LDB2: variants seen among roughly 807,000 people sequenced by gnomAD.
LDB2 encodes LIM domain binding 2.
Under a neutral mutation model 44.3 loss-of-function variants are expected in LDB2, and 12 were observed. That is an observed-to-expected ratio of 0.27 (90% CI 0.17 to 0.44). The LOEUF (loss-of-function observed/expected upper bound fraction) is 0.44. LDB2 is among the 20% of genes least tolerant of loss of function. The pLI is 1.00. For missense variants in LDB2, 344 were observed against 473.5 expected (o/e 0.73, Z 2.54); for synonymous variants, 164 against 174.8 (o/e 0.94, Z 0.49).
chr4:16,830,853 G>A (rs1311059914), intron 1 of LDB2, among the ~76,000 whole-genome samples: 3 of 152,164 alleles, frequency 2.0e-5, no homozygotes, highest in South Asian at 2.1e-4. Context: ...AGCCTGTGCC[G>A]ACCTCAGACC....
At chr4:16,866,862 T>C (rs1349440143) in intron 1 of LDB2, among the ~76,000 whole-genome samples, 1 of 152,206 alleles carries the variant, frequency 6.6e-6, no homozygotes, top group Admixed American at 6.5e-5. Context: ...TTTCCAAACA[T>C]GGCCACATTA....
At chr4:16,777,203 C>A (rs1045356006) in intron 1 of LDB2, among the ~76,000 whole-genome samples, 1 of 152,112 alleles carries the variant, frequency 6.6e-6, no homozygotes, top group Non-Finnish European at 1.5e-5. Flanking sequence ...CATCAAATAT[C>A]CTCTCGACGA....
At chr4:16,773,053 G>T (rs1449739623) in intron 1 of LDB2, among the ~76,000 whole-genome samples, 1 of 152,240 alleles carries the variant, frequency 6.6e-6, no homozygotes, top group East Asian at 1.9e-4. Flanking sequence ...CTTTTCACCC[G>T]CAAATAATAA....
chr4:16,539,252 TAA>T (rs58018529), intron 5 of LDB2, among the ~76,000 whole-genome samples: 13,401 of 151,752 alleles, frequency 0.088, 602 homozygotes, highest in South Asian at 0.17. Flanking sequence ...ATTATCTGGG[TAA>T]AGAGAGGAGA....
intron 2 of LDB2, among the ~76,000 whole-genome samples, chr4:16,616,993 T>G (rs571305436): frequency 1.6e-4 from 24 of 152,258 alleles, no homozygotes; most frequent in African/African-American, 4.6e-4. Context: ...CCTCTATCTT[T>G]CCCTCCTCCC....
intron 2 of LDB2, among the ~76,000 whole-genome samples, chr4:16,755,935 T>C (rs1054866129): frequency 1.1e-4 from 16 of 152,146 alleles, no homozygotes; most frequent in Non-Finnish European, 1.6e-4. Context: ...ACCTGTTCCC[T>C]AAGAAAACAT....
At chr4:16,844,744 CTTA>C (rs977170661) in intron 1 of LDB2, among the ~76,000 whole-genome samples, 2 of 152,138 alleles carry the variant, frequency 1.3e-5, no homozygotes, top group South Asian at 2.1e-4. Context: ...CTTCCCTGAT[CTTA>C]TTGTTGATTT....
At chr4:16,661,413 G>A (rs952582974) in intron 2 of LDB2, among the ~76,000 whole-genome samples, 2 of 152,136 alleles carry the variant, frequency 1.3e-5, no homozygotes, top group African/African-American at 2.4e-5. Flanking sequence ...GACTGAGAGG[G>A]TTAAATCCCA....
At chr4:16,832,179 G>GT (rs1275849349) in intron 1 of LDB2, among the ~76,000 whole-genome samples, 1 of 152,148 alleles carries the variant, frequency 6.6e-6, no homozygotes, top group African/African-American at 2.4e-5. Flanking sequence ...TATGTTCTGG[G>GT]TATTGTGGAA....
At chr4:16,773,275 G>T (rs189652083) in intron 1 of LDB2, among the ~76,000 whole-genome samples, 4 of 152,260 alleles carry the variant, frequency 2.6e-5, no homozygotes. Flanking sequence ...CGGACACTCT[G>T]GGGGACGGTT....
At chr4:16,657,877 T>C (rs894942206) in intron 2 of LDB2, among the ~76,000 whole-genome samples, 30 of 152,218 alleles carry the variant, frequency 2.0e-4, no homozygotes, top group African/African-American at 7.0e-4. Flanking sequence ...TCCCCACTAT[T>C]TGGGAGTTGA....
chr4:16,531,020 G>A (rs1285493839), intron 5 of LDB2, among the ~76,000 whole-genome samples: 1 of 152,134 alleles, frequency 6.6e-6, no homozygotes, highest in Non-Finnish European at 1.5e-5. Context: ...GTTTTCTAGA[G>A]GGGTTAAGTG....
chr4:16,762,372 C>T (rs1032252554), intron 1 of LDB2, among the ~76,000 whole-genome samples: 3 of 152,158 alleles, frequency 2.0e-5, no homozygotes, highest in South Asian at 2.1e-4. Flanking sequence ...GGCCCAGTGA[C>T]GGGATCCCCT....
intron 1 of LDB2, among the ~76,000 whole-genome samples, chr4:16,778,211 T>C (rs1278363487): frequency 2.0e-5 from 3 of 152,182 alleles, no homozygotes; most frequent in Non-Finnish European, 2.9e-5. Flanking sequence ...CAGACTTGTC[T>C]TGGGAATGTC....
At chr4:16,778,100 G>A (rs556230732) in intron 1 of LDB2, among the ~76,000 whole-genome samples, 2 of 152,186 alleles carry the variant, frequency 1.3e-5, no homozygotes, top group Admixed American at 1.3e-4. Context: ...TTCTCCATCA[G>A]TAGTCCTTAT....
At chr4:16,714,413 C>T (rs965873646) in intron 2 of LDB2, among the ~76,000 whole-genome samples, 3 of 152,150 alleles carry the variant, frequency 2.0e-5, no homozygotes, top group East Asian at 3.9e-4. Flanking sequence ...TGGCATTGTT[C>T]CCTGGAGGAC....
At chr4:16,758,390 T>C (rs555757196) in intron 2 of LDB2, among the ~76,000 whole-genome samples, 2 of 152,238 alleles carry the variant, frequency 1.3e-5, no homozygotes, top group Non-Finnish European at 2.9e-5. Flanking sequence ...TTTCCTCTGA[T>C]GGATTCTTTC....
At chr4:16,684,416 GAACT>G (rs2152571632) in intron 2 of LDB2, among the ~76,000 whole-genome samples, 2 of 152,244 alleles carry the variant, frequency 1.3e-5, no homozygotes, top group South Asian at 4.1e-4. Context: ...ATCATAATAA[GAACT>G]AACAAATGAA....
Position 16,898,493 on chromosome 4 carries a change from G to C in LDB2, c.-8C>G. ...ATGTGGTGTGCTGGACATCTTGCCTGCTTTTCGAAAATCAAGCTAAACAGA... is the reference window on the plus strand; with the variant it reads ...ATGTGGTGTGCTGGACATCTTGCCTCCTTTTCGAAAATCAAGCTAAACAGA... On this transcript the variant is annotated 5_prime_UTR_variant, in exon 1 of 8. Transcript: ENST00000304523. 6.2e-7 allele frequency: 1 copy of C among 1,613,178 alleles called. No homozygotes were observed. Among genetic ancestry groups the C allele is most frequent in the Middle Eastern group, 1.7e-4 (1 of 6,060 alleles).
Sources: allele counts gnomAD v4.1 joint callset (sites outside exome capture counted in the v4.1 genomes callset), GRCh38; gene constraint gnomAD v4.1.1; transcripts MANE v1.5; gene names NCBI Gene and HGNC (gene_info 2026-07-23, HGNC 2026-07-21).